The following GNG2 variants were observed in gnomAD, a reference collection of about 807,000 sequenced individuals.
The protein encoded by GNG2 is guanine nucleotide-binding protein G(I)/G(S)/G(O) subunit gamma-2.
GNG2 carries 5 observed loss-of-function variants against 5.5 expected under a neutral mutation model. That is an observed-to-expected ratio of 0.91 (90% CI 0.48 to 1.92). The LOEUF (loss-of-function observed/expected upper bound fraction) is 1.92. Ranked by LOEUF, GNG2 falls within the 30% of genes most tolerant of loss-of-function variation. GNG2 has a pLI of 0.01. For synonymous variants in GNG2, 28 were observed against 32.0 expected, an observed-to-expected ratio of 0.88 and a Z score of 0.42; for missense variants, 55 against 88.4, an observed-to-expected ratio of 0.62 and a Z score of 1.52.
chr14:51,894,589 A>T (rs923345320), intron 2 of GNG2, among the ~76,000 whole-genome samples: 2 of 152,124 alleles, frequency 1.3e-5, no homozygotes, highest in Non-Finnish European at 2.9e-5. Context: ...TTAGTTCTAG[A>T]TCAGTCATGA....
chr14:51,841,703 T>G, intron 2 of GNG2: 1 of 594,208 alleles, frequency 1.7e-6, no homozygotes, highest in Non-Finnish European at 3.0e-6. Context: ...AATCACTTTG[T>G]AGGAAATAGG....
intron 3 of GNG2, among the ~76,000 whole-genome samples, chr14:51,961,234 A>G (rs73297096): frequency 0.11 from 16,130 of 152,238 alleles, 1,598 homozygotes; most frequent in East Asian, 0.38. Flanking sequence ...TTATTACTCC[A>G]TCATAGCCAA....
At chr14:51,950,416 G>T (rs1888903069) in intron 2 of GNG2, among the ~76,000 whole-genome samples, 1 of 152,176 alleles carries the variant, frequency 6.6e-6, no homozygotes, top group Admixed American at 6.5e-5. Flanking sequence ...TTCTTTGTGT[G>T]TGTGTTTTTT....
chr14:51,886,421 A>G (rs185659491), intron 2 of GNG2, among the ~76,000 whole-genome samples: 7 of 152,310 alleles, frequency 4.6e-5, no homozygotes, highest in Admixed American at 4.6e-4. Context: ...CAGTGTTTTC[A>G]TATAAACTGA....
At chr14:51,913,974 AC>A (rs1886451420) in intron 2 of GNG2, 1 of 490,820 alleles carries the variant, frequency 2.0e-6, no homozygotes. Context: ...TATATGAAAA[AC>A]AATGGGAAGA....
At chr14:51,928,483 T>A (rs1203427854) in intron 2 of GNG2, among the ~76,000 whole-genome samples, 1 of 152,198 alleles carries the variant, frequency 6.6e-6, no homozygotes, top group African/African-American at 2.4e-5. Context: ...CAGAGCAGCC[T>A]GCGCCACAAC....
intron 2 of GNG2, among the ~76,000 whole-genome samples, chr14:51,937,362 G>A (rs954166814): frequency 1.4e-5 from 2 of 147,150 alleles, no homozygotes; most frequent in Non-Finnish European, 3.0e-5. Context: ...TGTAGATCAT[G>A]AGAAATCTTC....
intron 2 of GNG2, among the ~76,000 whole-genome samples, chr14:51,926,280 G>GA (rs1159898879): frequency 6.6e-6 from 1 of 151,858 alleles, no homozygotes; most frequent in Non-Finnish European, 1.5e-5. Context: ...CTTATTTAGG[G>GA]AAAAAAAGTC....
intron 2 of GNG2, chr14:51,914,320 G>A: frequency 2.9e-6 from 2 of 700,764 alleles, no homozygotes; most frequent in Non-Finnish European, 5.2e-6. Flanking sequence ...CATTATGTCT[G>A]AAAGAAAAAC....
chr14:51,937,077 G>T (rs924507578), intron 2 of GNG2, among the ~76,000 whole-genome samples: 13 of 152,098 alleles, frequency 8.5e-5, no homozygotes, highest in African/African-American at 2.9e-4. Flanking sequence ...TAAAAGGAAA[G>T]GTTGCTTGTC....
At chr14:51,891,107 A>G (rs1230833489) in intron 2 of GNG2, among the ~76,000 whole-genome samples, 4 of 152,178 alleles carry the variant, frequency 2.6e-5, no homozygotes, top group Admixed American at 2.6e-4. Flanking sequence ...CTCTCATACC[A>G]TCTCCAGGCC....
chr14:51,875,101 A>G (rs564924710), intron 1 of GNG2, among the ~76,000 whole-genome samples: 2 of 152,266 alleles, frequency 1.3e-5, no homozygotes, highest in Admixed American at 6.5e-5. Flanking sequence ...AGTGGCTAAC[A>G]TAAGTTAGAA....
At chr14:51,963,524 GA>G (rs1344663182) in intron 3 of GNG2, among the ~76,000 whole-genome samples, 1 of 152,210 alleles carries the variant, frequency 6.6e-6, no homozygotes, top group Non-Finnish European at 1.5e-5. Flanking sequence ...AATTCAGTCT[GA>G]AAGTCTGTCC....
chr14:51,920,728 A>G (rs564945232), intron 2 of GNG2, among the ~76,000 whole-genome samples: 1 of 152,308 alleles, frequency 6.6e-6, no homozygotes, highest in African/African-American at 2.4e-5. Context: ...ATTTCATTCT[A>G]TGTAGGCAGT....
intron 2 of GNG2, among the ~76,000 whole-genome samples, chr14:51,828,702 C>T (rs1249826205): frequency 6.6e-6 from 1 of 152,112 alleles, no homozygotes; most frequent in Non-Finnish European, 1.5e-5. Context: ...TTGGGTTGGT[C>T]TAAGGCTGGA....
intron 2 of GNG2, among the ~76,000 whole-genome samples, chr14:51,905,671 T>G (rs1391479195): frequency 6.6e-6 from 1 of 152,188 alleles, no homozygotes; most frequent in Non-Finnish European, 1.5e-5. Context: ...ATGGTTTGGC[T>G]GTGTCCCCAC....
chr14:51,898,061 G>C (rs2140173839), intron 2 of GNG2, among the ~76,000 whole-genome samples: 1 of 152,134 alleles, frequency 6.6e-6, no homozygotes, highest in Non-Finnish European at 1.5e-5. Context: ...TCCATCTATG[G>C]CCTGGGCTTC....
chr14:51,937,588 AATGGCTATGT>A (rs1307002955), intron 2 of GNG2, among the ~76,000 whole-genome samples: 1 of 151,736 alleles, frequency 6.6e-6, no homozygotes, highest in African/African-American at 2.4e-5. Context: ...GTTTTCCGAA[AATGGCTATGT>A]ATTTCTTTAC....
chr14:51,879,523 A>G (rs1300128182), intron 2 of GNG2, among the ~76,000 whole-genome samples: 1 of 152,226 alleles, frequency 6.6e-6, no homozygotes, highest in Non-Finnish European at 1.5e-5. Flanking sequence ...TTATCTTACC[A>G]TTCTATAGGT....
Sources: gnomAD v4.1 joint callset for allele counts (sites outside exome capture counted in the v4.1 genomes callset) on GRCh38, gnomAD v4.1.1 for gene constraint, MANE v1.5 for transcripts, NCBI Gene and HGNC (gene_info 2026-07-23, HGNC 2026-07-21) for gene names.